PHACTR1: variants seen among roughly 807,000 people sequenced by gnomAD.
The protein encoded by PHACTR1 is phosphatase and actin regulator 1.
Under a neutral mutation model 69.2 loss-of-function variants are expected in PHACTR1, and 16 were observed. The ratio of observed to expected loss-of-function variants is 0.23; its 90% CI spans 0.16 to 0.35. The LOEUF (loss-of-function observed/expected upper bound fraction) is 0.35, where lower values mean the gene tolerates loss of function less well. Among genes scored for constraint, PHACTR1 ranks in the 10% least tolerant of loss-of-function variants. The pLI is 1.00. For synonymous variants in PHACTR1, 312 were observed against 284.5 expected (o/e 1.10, Z -0.97); for missense variants, 510 against 734.7 (o/e 0.69, Z 3.54).
At chr6:12,748,541 A>G (rs1415588457) in intron 3 of PHACTR1, among the ~76,000 whole-genome samples, 1 of 152,214 alleles carries the variant, frequency 6.6e-6, no homozygotes, top group East Asian at 1.9e-4. Context: ...TAGCCCATCA[A>G]TAGGTTCAGC....
intron 4 of PHACTR1, among the ~76,000 whole-genome samples, chr6:13,001,978 G>T (rs1273683295): frequency 6.6e-6 from 1 of 152,100 alleles, no homozygotes; most frequent in Non-Finnish European, 1.5e-5. Flanking sequence ...TTGTTGACTC[G>T]TTCATTCCTC....
chr6:12,891,907 T>A (rs926860258), intron 4 of PHACTR1, among the ~76,000 whole-genome samples: 3 of 152,222 alleles, frequency 2.0e-5, no homozygotes, highest in African/African-American at 7.2e-5. Flanking sequence ...AAAACAGGGA[T>A]AATAATAGGG....
chr6:12,967,038 T>C (rs1163056837), intron 4 of PHACTR1, among the ~76,000 whole-genome samples: 1 of 152,216 alleles, frequency 6.6e-6, no homozygotes, highest in East Asian at 1.9e-4. Flanking sequence ...CAAATTTGTA[T>C]TGCTGAGAAT....
At chr6:13,255,981 C>T (rs987672195) in intron 10 of PHACTR1, among the ~76,000 whole-genome samples, 1 of 152,234 alleles carries the variant, frequency 6.6e-6, no homozygotes, top group Non-Finnish European at 1.5e-5. Flanking sequence ...CCCACATTTT[C>T]CCTCTGCGCT....
chr6:12,949,255 G>A (rs1189915343), intron 4 of PHACTR1, among the ~76,000 whole-genome samples: 4 of 135,040 alleles, frequency 3.0e-5, no homozygotes, highest in African/African-American at 1.2e-4. Context: ...GGCAACAAGA[G>A]CGAAACGTCA....
intron 5 of PHACTR1, among the ~76,000 whole-genome samples, chr6:13,100,358 G>A (rs1394757981): frequency 6.6e-6 from 1 of 152,084 alleles, no homozygotes; most frequent in African/African-American, 2.4e-5. Flanking sequence ...TTCTACATGT[G>A]TATAAACCCC....
chr6:12,924,880 G>A (rs944052321), intron 4 of PHACTR1, among the ~76,000 whole-genome samples: 14 of 151,756 alleles, frequency 9.2e-5, no homozygotes, highest in East Asian at 1.9e-4. Flanking sequence ...TTTTTCTTAC[G>A]TATTTGTATT....
intron 6 of PHACTR1, among the ~76,000 whole-genome samples, chr6:13,166,105 C>G (rs1040991699): frequency 3.3e-5 from 5 of 152,210 alleles, no homozygotes; most frequent in African/African-American, 1.2e-4. Flanking sequence ...TTTGCGTTGG[C>G]TGCGCCTTCT....
At chr6:12,928,472 A>C (rs1788513704) in intron 4 of PHACTR1, among the ~76,000 whole-genome samples, 1 of 152,144 alleles carries the variant, frequency 6.6e-6, no homozygotes, top group South Asian at 2.1e-4. Flanking sequence ...TATCTTCAGA[A>C]TCCTGGTTTA....
intron 5 of PHACTR1, among the ~76,000 whole-genome samples, chr6:13,058,594 A>G (rs1021223182): frequency 1.4e-4 from 22 of 152,188 alleles, no homozygotes; most frequent in African/African-American, 5.3e-4. Context: ...TTATAAAAAT[A>G]AAGGTAAAGT....
chr6:12,746,436 T>C (rs1581559428), intron 3 of PHACTR1, among the ~76,000 whole-genome samples: 1 of 151,704 alleles, frequency 6.6e-6, no homozygotes, highest in East Asian at 1.9e-4. Context: ...ACTTAGGAGG[T>C]TGAGGTGGAA....
chr6:12,733,247 T>C (rs146336138), intron 3 of PHACTR1, among the ~76,000 whole-genome samples: 1,971 of 152,300 alleles, frequency 0.013, 43 homozygotes, highest in African/African-American at 0.045. Context: ...AGGTACTTAA[T>C]TTAATTAGCT....
chr6:12,855,135 T>G (rs1256379526), intron 4 of PHACTR1, among the ~76,000 whole-genome samples: 1 of 152,178 alleles, frequency 6.6e-6, no homozygotes, highest in Admixed American at 6.5e-5. Context: ...GTAATCAACC[T>G]AGGTGCCTAT....
chr6:12,999,830 G>T (rs1486868483), intron 4 of PHACTR1, among the ~76,000 whole-genome samples: 2 of 152,134 alleles, frequency 1.3e-5, no homozygotes, highest in African/African-American at 4.8e-5. Flanking sequence ...CGTGATGTTT[G>T]GCTATATCTG....
intron 4 of PHACTR1, among the ~76,000 whole-genome samples, chr6:12,778,583 CAAAATA>C (rs982436959): frequency 1.3e-5 from 2 of 152,100 alleles, no homozygotes; most frequent in African/African-American, 4.8e-5. Context: ...AGTTTATCAT[CAAAATA>C]AAATCATAAA....
chr6:13,283,712 A>G lies in PHACTR1; in HGVS notation c.1650+150A>G. ...TGTTGAGACCCCAACACCTTTCCCC[A>G]GGGGCCACAGATAATCTGCGGAAAG... On this transcript the variant is annotated intron_variant, in intron 13 of 14. Coordinates refer to ENST00000332995, the MANE Select transcript of PHACTR1 (RefSeq NM_030948.6). This position sits in a 1 kb window ranked among gnomAD's most constrained non-coding sequence, Gnocchi z 4.7. The G allele has an allele frequency of 8.9e-7, 1 of 1,125,770 alleles. No homozygotes were observed. The highest frequency in any genetic ancestry group is 1.4e-5 in the South Asian group (1 of 73,994). The allele number at this position is 1,125,770 out of a possible 1,614,324, so 69.7% of individuals were successfully genotyped here.
At chr6:12,853,358 A>C (rs1273711517) in intron 4 of PHACTR1, among the ~76,000 whole-genome samples, 2 of 152,204 alleles carry the variant, frequency 1.3e-5, no homozygotes, top group Non-Finnish European at 2.9e-5. Flanking sequence ...AAAGAAGCTG[A>C]TCAGATTTGG....
At chr6:13,209,272 T>G (rs1327718438) in intron 8 of PHACTR1, among the ~76,000 whole-genome samples, 1 of 152,228 alleles carries the variant, frequency 6.6e-6, no homozygotes, top group Admixed American at 6.5e-5. Context: ...TGATTTTTAC[T>G]GCCTAAAAAT....
At chr6:12,816,891 C>T (rs1486722458) in intron 4 of PHACTR1, among the ~76,000 whole-genome samples, 1 of 152,082 alleles carries the variant, frequency 6.6e-6, no homozygotes, top group Non-Finnish European at 1.5e-5. Context: ...AGCATCCACA[C>T]GGGGTCTAGC....
Sources: gnomAD v4.1 joint callset for allele counts (sites outside exome capture counted in the v4.1 genomes callset) on GRCh38, gnomAD v4.1.1 for gene constraint, Gnocchi (gnomAD v3.1) non-coding constraint, MANE v1.5 for transcripts, NCBI Gene and HGNC (gene_info 2026-07-23, HGNC 2026-07-21) for gene names.